Variants in ARID3B observed in about 807,000 individuals in gnomAD.
The protein encoded by ARID3B is AT-rich interaction domain 3B.
In ARID3B, 10 loss-of-function variants were observed where a neutral mutation model predicts 51.9. The observed-to-expected ratio is 0.19, with a 90% CI of 0.12 to 0.33. The LOEUF is 0.33. ARID3B is among the 10% of genes least tolerant of loss of function. ARID3B has a pLI of 1.00. For synonymous variants in ARID3B, 205 were observed against 279.5 expected (o/e 0.73, Z 2.66); for missense variants, 483 against 716.3 (o/e 0.67, Z 3.72).
chr15:74,578,920 A>T (rs866566803), intron 4 of ARID3B, among the ~76,000 whole-genome samples: 2 of 152,080 alleles, frequency 1.3e-5, no homozygotes, highest in African/African-American at 2.4e-5. Context: ...AAGGAAAGGG[A>T]AAGGGAAATG....
At chr15:74,579,812 T>C (rs936864054) in intron 4 of ARID3B, among the ~76,000 whole-genome samples, 2 of 150,846 alleles carry the variant, frequency 1.3e-5, no homozygotes, top group African/African-American at 4.9e-5. Context: ...GATGCCCCTT[T>C]GGGCTCACCT....
chr15:74,554,475 G>A (rs1368646307), intron 2 of ARID3B, among the ~76,000 whole-genome samples: 1 of 151,444 alleles, frequency 6.6e-6, no homozygotes, highest in Non-Finnish European at 1.5e-5. Flanking sequence ...GCTAATTTTT[G>A]TATTTTTAGT....
chr15:74,556,105 A>G (rs1427156726), intron 2 of ARID3B, among the ~76,000 whole-genome samples: 1 of 152,090 alleles, frequency 6.6e-6, no homozygotes, highest in African/African-American at 2.4e-5. Context: ...TGGGCTTTCA[A>G]CATGCCTTCC....
chr15:74,593,121 C>A lies in ARID3B; in HGVS notation c.1421-17C>A. On this transcript the variant is annotated splice_polypyrimidine_tract_variant and intron_variant, in intron 7 of 8. Transcript: ENST00000346246. ...TGGAAGGCTTGACCAGGCCCACTGT[C>A]TCCCTGTCCCCAGCAGAAGACAGAG... The A allele has an allele frequency of 6.2e-7, 1 of 1,610,518 alleles. No individual in the cohort carries two copies. The highest frequency in any genetic ancestry group is 1.1e-5 in the South Asian group (1 of 90,872).
intron 2 of ARID3B, among the ~76,000 whole-genome samples, chr15:74,549,891 C>T (rs996259789): frequency 1.3e-5 from 2 of 152,166 alleles, no homozygotes. Context: ...TGCTAAACAT[C>T]CTATAACGCA....
chr15:74,556,182 G>C (rs1264114688), intron 2 of ARID3B, among the ~76,000 whole-genome samples: 1 of 152,038 alleles, frequency 6.6e-6, no homozygotes, highest in African/African-American at 2.4e-5. Context: ...CCTTTCATTT[G>C]AATACTTAGA....
intron 2 of ARID3B, among the ~76,000 whole-genome samples, chr15:74,559,687 C>T (rs1160918479): frequency 6.6e-6 from 1 of 152,010 alleles, no homozygotes; most frequent in Non-Finnish European, 1.5e-5. Context: ...AATAATCTTT[C>T]CTTAGTGGTT....
At chr15:74,560,301 A>T (rs752517398) in intron 2 of ARID3B, among the ~76,000 whole-genome samples, 2 of 152,126 alleles carry the variant, frequency 1.3e-5, no homozygotes, top group Non-Finnish European at 2.9e-5. Flanking sequence ...TTTAGTTTTC[A>T]AAGTATATTA....
In ARID3B at chr15:74,591,789, C is replaced by T. The variant is rs1293313273; in HGVS notation, c.1395C>T (p.Pro465=). 3 of 1,613,832 alleles carry T rather than the reference C, an allele frequency of 1.9e-6. No individual in the cohort carries two copies. The highest frequency in any genetic ancestry group is 2.5e-6 in the Non-Finnish European group (3 of 1,179,900). Residue 465 remains proline (P), a synonymous_variant, in exon 7 of 9, where the codon CCC becomes CCT. Transcript: ENST00000346246. The surrounding 1 kb of genome is among the most constrained non-coding windows in gnomAD (Gnocchi z 5.8). ...RNFFSMARQL[P]MKIRINGRED... is the part of the protein sequence containing the mutation. ...TTTTCAGCATGGCACGGCAGCTCCC[C>T]ATGAAGATCAGGATCAACGGCAGGG...
At chr15:74,542,357 A>G (rs1360153374) in intron 1 of ARID3B, among the ~76,000 whole-genome samples, 1 of 152,208 alleles carries the variant, frequency 6.6e-6, no homozygotes, top group African/African-American at 2.4e-5. Flanking sequence ...TGCAAGCGTA[A>G]CTCACACTTT....
At chr15:74,542,627 T>G (rs1376842457) in intron 1 of ARID3B, among the ~76,000 whole-genome samples, 1 of 152,256 alleles carries the variant, frequency 6.6e-6, no homozygotes, top group Non-Finnish European at 1.5e-5. Context: ...ACTTTGTTTT[T>G]TGTCTTTCGA....
At chr15:74,561,688 C>G (rs2061679992) in intron 2 of ARID3B, among the ~76,000 whole-genome samples, 1 of 152,198 alleles carries the variant, frequency 6.6e-6, no homozygotes, top group Non-Finnish European at 1.5e-5. Context: ...CTTCAGAGCA[C>G]TGTGCTGAGG....
At chr15:74,553,077 C>T (rs960903473) in intron 2 of ARID3B, among the ~76,000 whole-genome samples, 1 of 152,226 alleles carries the variant, frequency 6.6e-6, no homozygotes, top group African/African-American at 2.4e-5. Flanking sequence ...TGTTGCTCCA[C>T]ATCCTCACCA....
intron 2 of ARID3B, among the ~76,000 whole-genome samples, chr15:74,560,091 G>C (rs528378409): frequency 6.8e-6 from 1 of 148,018 alleles, no homozygotes; most frequent in South Asian, 2.2e-4. Flanking sequence ...TGTAATCCCA[G>C]CTACTCAGGA....
chr15:74,549,085 CT>C (rs200645100), intron 2 of ARID3B, among the ~76,000 whole-genome samples: 1 of 149,134 alleles, frequency 6.7e-6, no homozygotes, highest in Non-Finnish European at 1.5e-5. Flanking sequence ...CTTTTTTTTT[CT>C]TTTTTTTTAG....
At chr15:74,551,501 A>T (rs527645875) in intron 2 of ARID3B, among the ~76,000 whole-genome samples, 1 of 152,136 alleles carries the variant, frequency 6.6e-6, no homozygotes, top group African/African-American at 2.4e-5. Context: ...ATTTCTCTAC[A>T]TGTGTCCCAG....
intron 2 of ARID3B, among the ~76,000 whole-genome samples, chr15:74,565,631 A>G (rs16970078): frequency 0.023 from 3,449 of 152,228 alleles, 132 homozygotes; most frequent in African/African-American, 0.08. Context: ...TAGATACTTA[A>G]TTGCTTTTAA....
At chr15:74,550,020 C>T (rs2061630712) in intron 2 of ARID3B, among the ~76,000 whole-genome samples, 1 of 152,272 alleles carries the variant, frequency 6.6e-6, no homozygotes, top group Non-Finnish European at 1.5e-5. Context: ...TATCATCAGA[C>T]AGCACCAGAG....
At chr15:74,556,039 G>T (rs996064089) in intron 2 of ARID3B, among the ~76,000 whole-genome samples, 1 of 151,894 alleles carries the variant, frequency 6.6e-6, no homozygotes, top group Non-Finnish European at 1.5e-5. Context: ...TGATCCGCCC[G>T]CCTCAGCCTC....
Sources: allele counts gnomAD v4.1 joint callset (sites outside exome capture counted in the v4.1 genomes callset), GRCh38; gene constraint gnomAD v4.1.1; non-coding constraint Gnocchi (gnomAD v3.1); transcripts MANE v1.5; gene names NCBI Gene and HGNC (gene_info 2026-07-23, HGNC 2026-07-21).